Variants in CACNA1B observed in about 807,000 individuals in gnomAD.
CACNA1B encodes calcium voltage-gated channel subunit alpha1 B.
Under a neutral mutation model 247.2 loss-of-function variants are expected in CACNA1B, and 70 were observed. That is an observed-to-expected ratio of 0.28 (90% confidence interval 0.23 to 0.35). CACNA1B has a LOEUF of 0.35. Ranked by LOEUF, CACNA1B falls within the 10% of genes least tolerant of loss-of-function variation. The pLI is 1.00. For synonymous variants in CACNA1B, 1,231 were observed against 1,294.4 expected (o/e 0.95, Z 1.05); for missense variants, 2,367 against 3,197.4 (o/e 0.74, Z 6.26).
At chr9:137,892,072 C>T (rs1307215770) in intron 3 of CACNA1B, 5 of 457,242 alleles carry the variant, frequency 1.1e-5, no homozygotes, top group African/African-American at 8.0e-5. Flanking sequence ...CCCCACCAGG[C>T]TGGCCTCTCT....
At chr9:138,048,531 G>C (rs1480085561) in intron 23 of CACNA1B, among the ~76,000 whole-genome samples, 1 of 152,194 alleles carries the variant, frequency 6.6e-6, no homozygotes, top group Non-Finnish European at 1.5e-5. Flanking sequence ...TTCGGGGTGT[G>C]ACCTGGGCCG....
chr9:137,986,945 T>C lies in CACNA1B; in HGVS notation c.1974+91T>C. ...CGGACTCTCCTGTCATTCCCTCCCT[T>C]GTTCCTCCACACGGCCCAGATCACT... On this transcript the variant is annotated intron_variant, in intron 15 of 46. Coordinates refer to ENST00000371372, the MANE Select transcript of CACNA1B (RefSeq NM_000718.4). This position sits in a 1 kb window ranked among gnomAD's most constrained non-coding sequence, Gnocchi z 6.0. The C allele has an allele frequency of 1.0e-6, 1 of 954,578 alleles. No individual in the cohort carries two copies. Among genetic ancestry groups the C allele is most frequent in the Non-Finnish European group, 1.7e-6 (1 of 584,776 alleles). 59.1% of individuals were successfully genotyped at this position (954,578 alleles called of 1,614,324 possible).
chr9:137,878,779 G>T (rs977242369), intron 1 of CACNA1B, among the ~76,000 whole-genome samples: 1 of 152,158 alleles, frequency 6.6e-6, no homozygotes, highest in African/African-American at 2.4e-5. Flanking sequence ...GGGCGGAGCC[G>T]GGCCGGAGGC....
intron 36 of CACNA1B, among the ~76,000 whole-genome samples, chr9:138,095,487 GAGA>G (rs1961024853): frequency 6.6e-6 from 1 of 152,204 alleles, no homozygotes; most frequent in African/African-American, 2.4e-5. Flanking sequence ...CAAGGATGTG[GAGA>G]AGGAGGAACT....
intron 12 of CACNA1B, among the ~76,000 whole-genome samples, chr9:137,979,452 G>A (rs1958268212): frequency 6.6e-6 from 1 of 151,956 alleles, no homozygotes; most frequent in Non-Finnish European, 1.5e-5. Context: ...ACCCTGTCTT[G>A]AAAGAAAGAT....
At chr9:138,002,216 T>C (rs1405640760) in intron 15 of CACNA1B, among the ~76,000 whole-genome samples, 3 of 152,066 alleles carry the variant, frequency 2.0e-5, no homozygotes, top group Non-Finnish European at 4.4e-5. Context: ...TCCAAACATA[T>C]ATAGAAAGTT....
chr9:138,013,426 A>G (rs1487867994), intron 18 of CACNA1B, among the ~76,000 whole-genome samples, 191 bp downstream of exon 18: 1 of 152,132 alleles, frequency 6.6e-6, no homozygotes, highest in East Asian at 1.9e-4. Context: ...CAGTATGAGC[A>G]GGGCCAGGGT....
intron 15 of CACNA1B, among the ~76,000 whole-genome samples, chr9:137,995,278 A>G (rs1958484384): frequency 1.3e-5 from 2 of 152,166 alleles, no homozygotes; most frequent in African/African-American, 4.8e-5. Flanking sequence ...ACCCAACTTC[A>G]AACTACGATA....
intron 3 of CACNA1B, among the ~76,000 whole-genome samples, chr9:137,906,793 A>G (rs1957305027): frequency 2.0e-5 from 3 of 150,312 alleles, no homozygotes; most frequent in Admixed American, 6.6e-5. Flanking sequence ...ATTCCTCTGC[A>G]TGCCATGTGA....
chr9:138,031,043 C>T (rs1318151989), intron 20 of CACNA1B, among the ~76,000 whole-genome samples: 1 of 149,880 alleles, frequency 6.7e-6, no homozygotes, highest in Non-Finnish European at 1.5e-5. Flanking sequence ...TTTTCAATTT[C>T]TTTTGATTTC....
intron 32 of CACNA1B, 115 bp downstream of exon 32, chr9:138,069,878 A>G: frequency 6.7e-6 from 6 of 896,528 alleles, no homozygotes; most frequent in East Asian, 2.5e-5. Context: ...GTGTGGTTGG[A>G]TGCGGCTGCA....
At chr9:138,074,662 A>T (rs7026840) in intron 34 of CACNA1B, among the ~76,000 whole-genome samples, 1 of 152,142 alleles carries the variant, frequency 6.6e-6, no homozygotes, top group African/African-American at 2.4e-5. Context: ...GCCCATTGCC[A>T]CCTCAACAGG....
At chr9:138,013,373 C>G (rs943137862) in intron 18 of CACNA1B, 138 bp downstream of exon 18, 4 of 611,978 alleles carry the variant, frequency 6.5e-6, no homozygotes, top group Non-Finnish European at 5.7e-6. Context: ...ACAGCCCCTC[C>G]TCGGAACTGG....
chr9:138,039,962 A>C (rs1959096858), intron 20 of CACNA1B, among the ~76,000 whole-genome samples: 1 of 152,186 alleles, frequency 6.6e-6, no homozygotes, highest in South Asian at 2.1e-4. Flanking sequence ...TAGTGGGGAC[A>C]AATGCAGTTT....
chr9:138,113,509 C>T (rs555203266), intron 40 of CACNA1B, among the ~76,000 whole-genome samples: 15 of 143,164 alleles, frequency 1.0e-4, no homozygotes, highest in Admixed American at 6.2e-4. Flanking sequence ...CGTGAGGGAG[C>T]GCAGGAAGGT....
chr9:137,910,678 A>G (rs946643068), intron 3 of CACNA1B, among the ~76,000 whole-genome samples: 11 of 152,130 alleles, frequency 7.2e-5, no homozygotes, highest in Non-Finnish European at 1.2e-4. Context: ...GATCCCTCAC[A>G]TGTGCAGTTC....
intron 31 of CACNA1B, among the ~76,000 whole-genome samples, chr9:138,064,848 C>G (rs1409823109): frequency 6.6e-6 from 1 of 152,260 alleles, no homozygotes; most frequent in Non-Finnish European, 1.5e-5. Context: ...TCCCGTCAAC[C>G]CTGGCCTGCA....
chr9:138,078,268 G>A lies in CACNA1B; in HGVS notation c.5094+10G>A. 2 of 1,613,642 alleles carry A rather than the reference G, an allele frequency of 1.2e-6. No individual in the cohort carries two copies. The highest frequency in any genetic ancestry group is 1.7e-6 in the Non-Finnish European group (2 of 1,179,674). ...CCTGTGCTCCTTTCTGGTGAGTCCT[G>A]GGCACTGTGCCCCTCCCAGTGCCAC... On this transcript the variant is annotated intron_variant, in intron 36 of 46. Coordinates refer to ENST00000371372, the MANE Select transcript of CACNA1B (RefSeq NM_000718.4).
rs61564187 is a variant in CACNA1B at position 137,939,847 on chromosome 9, TA to T, written c.967-12418del. ...ATAAATAAATAAATAAATAAATAAA[TA>T]AAAAAAAATAAAATTCTTCGAACTG... On this transcript the variant is annotated intron_variant, in intron 6 of 46. Transcript: ENST00000371372. 6.5e-3 allele frequency among the ~76,000 whole-genome samples: 614 copies of T among 95,064 alleles called. 2 individuals carry two copies. The highest frequency in any genetic ancestry group is 0.01 in the Non-Finnish European group (481 of 47,202). 62.4% of individuals were successfully genotyped at this position (95,064 alleles called of 152,430 possible).
Sources: gnomAD v4.1 joint callset for allele counts (sites outside exome capture counted in the v4.1 genomes callset) on GRCh38, gnomAD v4.1.1 for gene constraint, Gnocchi (gnomAD v3.1) non-coding constraint, MANE v1.5 for transcripts, NCBI Gene and HGNC (gene_info 2026-07-23, HGNC 2026-07-21) for gene names.